The following REPS1 variants were observed in gnomAD, a reference collection of about 807,000 sequenced individuals.
REPS1 encodes the protein ralBP1-associated Eps domain-containing protein 1.
Under a neutral mutation model 100.9 loss-of-function variants are expected in REPS1, and 39 were observed. That is an observed-to-expected ratio of 0.39 (90% confidence interval 0.30 to 0.50). The LOEUF (loss-of-function observed/expected upper bound fraction) is 0.50, where lower values mean the gene tolerates loss of function less well. Among genes scored for constraint, REPS1 ranks in the 20% least tolerant of loss-of-function variants. The pLI, the probability that REPS1 is intolerant of heterozygous loss-of-function variation, is 0.86. For missense variants in REPS1, 821 were observed against 968.5 expected, an observed-to-expected ratio of 0.85 and a Z score of 2.02; for synonymous variants, 324 against 340.3, an observed-to-expected ratio of 0.95 and a Z score of 0.53.
chr6:138,940,473 A>T (rs892790225), intron 8 of REPS1, among the ~76,000 whole-genome samples: 1 of 152,130 alleles, frequency 6.6e-6, no homozygotes, highest in African/African-American at 2.4e-5. Context: ...CAGGCTGGGC[A>T]TGGTGGCTCA....
chr6:138,987,695 C>T lies in REPS1; in HGVS notation c.-13G>A. 1 of 1,535,506 alleles carries T rather than the reference C, an allele frequency of 6.5e-7. No individual in the cohort carries two copies. The highest frequency in any genetic ancestry group is 8.8e-7 in the Non-Finnish European group (1 of 1,139,726). On this transcript the variant is annotated 5_prime_UTR_variant, in exon 1 of 20. Transcript: ENST00000450536. Reference sequence around the variant, plus strand: ...TTAAGCCTTCCATCTTCGCCTCCGGCTCACGGCCGCCCCGCCCCGCATGCA... The same window carrying T: ...TTAAGCCTTCCATCTTCGCCTCCGGTTCACGGCCGCCCCGCCCCGCATGCA...
intron 7 of REPS1, 61 bp downstream of exon 7, chr6:138,943,452 T>G: frequency 4.0e-6 from 4 of 1,010,898 alleles, no homozygotes; most frequent in Non-Finnish European, 6.1e-6. Context: ...CTCTAAAATC[T>G]ATCTGCTAGA....
At chr6:138,916,009 C>T (rs768100546) in intron 13 of REPS1, 33 bp from the exon 14 acceptor site, 7 of 1,447,740 alleles carry the variant, frequency 4.8e-6, no homozygotes, top group Non-Finnish European at 6.8e-6. Context: ...ATTGGTCATA[C>T]TACTGATATC....
At chr6:138,946,591 T>G (rs1265621236) in intron 2 of REPS1, among the ~76,000 whole-genome samples, 1 of 152,166 alleles carries the variant, frequency 6.6e-6, no homozygotes, top group Non-Finnish European at 1.5e-5. Flanking sequence ...ACTAGAAGAA[T>G]GATGTGTGGC....
chr6:138,922,710 C>T (rs1485603765), intron 10 of REPS1, among the ~76,000 whole-genome samples: 1 of 152,182 alleles, frequency 6.6e-6, no homozygotes, highest in African/African-American at 2.4e-5. Flanking sequence ...GGTCAGTTCA[C>T]ACTCTGTATA....
rs775874395 is a variant in REPS1 at position 138,920,368 on chromosome 6, A to C, written c.1427-52T>G. The C allele has an allele frequency of 6.5e-6, 6 of 926,546 alleles. No homozygotes were observed. In the South Asian group the frequency reaches 8.6e-5, roughly 13 times the overall value. The allele number at this position is 926,546 out of a possible 1,614,324, so 57.4% of individuals were successfully genotyped here. A position where few individuals can be genotyped will look rare whatever the true frequency, so the allele number is the denominator to read the frequency against. On this transcript the variant is annotated intron_variant, in intron 11 of 19. Coordinates refer to ENST00000450536, the MANE Select transcript of REPS1 (RefSeq NM_001286611.2). ...ACAAGACATAGGTATTTGAACTGAT[A>C]AACTCATAAAGCTCAGAGTGTAAGA...
Position 138,910,959 on chromosome 6 carries a change from G to A in REPS1, c.2067+317C>T, listed in dbSNP as rs188506984. ...AACAGGGAATAATAACAACCTTAGAGGGCTGATAATTTTTCTTTATTATAT... is the reference window on the plus strand; with the variant it reads ...AACAGGGAATAATAACAACCTTAGAAGGCTGATAATTTTTCTTTATTATAT... On this transcript the variant is annotated intron_variant, in intron 17 of 19. Transcript: ENST00000450536. The A allele has an allele frequency of 2.2e-5, 4 of 183,494 alleles. No individual in the cohort carries two copies. The Admixed American group carries it at 2.3e-4, about 11-fold the overall frequency. The allele number at this position is 183,494 out of a possible 1,614,324, so 11.4% of individuals were successfully genotyped here. A position where few individuals can be genotyped will look rare whatever the true frequency, so the allele number is the denominator to read the frequency against.
intron 8 of REPS1, among the ~76,000 whole-genome samples, chr6:138,933,634 A>T (rs1445720501): frequency 6.6e-6 from 1 of 152,222 alleles, no homozygotes; most frequent in Non-Finnish European, 1.5e-5. Context: ...TCTTCTATTA[A>T]GACAGATGTA....
chr6:138,916,050 T>A, intron 13 of REPS1, 74 bp from the exon 14 acceptor site: 1 of 1,047,000 alleles, frequency 9.6e-7, no homozygotes, highest in Non-Finnish European at 1.5e-6. Context: ...CATTTACACT[T>A]GGCTAAGCAG....
chr6:138,986,478 G>A (rs1036970633), intron 1 of REPS1, among the ~76,000 whole-genome samples: 3 of 152,114 alleles, frequency 2.0e-5, no homozygotes, highest in Non-Finnish European at 2.9e-5. Flanking sequence ...CTTGAAAATG[G>A]AAAGTGCCTG....
At chr6:138,920,943 A>T (rs1190944257) in intron 11 of REPS1, 94 bp downstream of exon 11, 1 of 865,478 alleles carries the variant, frequency 1.2e-6, no homozygotes, top group African/African-American at 1.7e-5. Flanking sequence ...TAGCTTAAAA[A>T]ATAAGCGATG....
At chr6:138,957,467 TCA>T (rs962331689) in intron 1 of REPS1, among the ~76,000 whole-genome samples, 2 of 152,236 alleles carry the variant, frequency 1.3e-5, no homozygotes, top group African/African-American at 4.8e-5. Context: ...ATGGACATTT[TCA>T]ACCAGGCAGA....
intron 10 of REPS1, 147 bp downstream of exon 10, chr6:138,926,254 C>T (rs1387559720): frequency 7.2e-6 from 4 of 552,204 alleles, no homozygotes; most frequent in Non-Finnish European, 1.3e-5. Context: ...GTCTTTCCCA[C>T]CATTAAGCAC....
chr6:138,941,294 A>T, intron 8 of REPS1, 41 bp downstream of exon 8: 1 of 1,601,632 alleles, frequency 6.2e-7, no homozygotes, highest in Non-Finnish European at 8.5e-7. Flanking sequence ...CATTATGTTT[A>T]TCAAGGCATG....
intron 10 of REPS1, among the ~76,000 whole-genome samples, chr6:138,924,147 A>G (rs1440884624): frequency 6.6e-6 from 1 of 152,218 alleles, no homozygotes; most frequent in African/African-American, 2.4e-5. Flanking sequence ...GAAAATTTAA[A>G]GTAAGAATAC....
chr6:138,984,078 C>CTTTTTTT (rs748774209), intron 1 of REPS1, among the ~76,000 whole-genome samples: 3 of 134,448 alleles, frequency 2.2e-5, no homozygotes, highest in African/African-American at 2.8e-5. Flanking sequence ...CTCTCTCTCT[C>CTTTTTTT]TTTTTTTTTT....
At chr6:138,987,441 G>A (rs1785335175) in intron 1 of REPS1, 89 bp downstream of exon 1, 5 of 1,308,580 alleles carry the variant, frequency 3.8e-6, no homozygotes, top group Admixed American at 6.2e-5. Flanking sequence ...GCCCCCCGCC[G>A]GGCCCCAAGG....
intron 9 of REPS1, chr6:138,929,660 C>A: frequency 5.0e-6 from 1 of 200,096 alleles, no homozygotes; most frequent in Non-Finnish European, 1.0e-5. Context: ...GACTTACGTT[C>A]AAATCCTAGC....
intron 1 of REPS1, among the ~76,000 whole-genome samples, chr6:138,982,427 T>C (rs1785005200): frequency 6.6e-6 from 1 of 152,252 alleles, no homozygotes; most frequent in South Asian, 2.1e-4. Flanking sequence ...GAACCCTTTA[T>C]CAATCTATTA....
Sources: gnomAD v4.1 joint callset for allele counts (sites outside exome capture counted in the v4.1 genomes callset) on GRCh38, gnomAD v4.1.1 for gene constraint, MANE v1.5 for transcripts, NCBI Gene and HGNC (gene_info 2026-07-23, HGNC 2026-07-21) for gene names.